The following DNAH14 variants were observed in gnomAD, a reference collection of about 807,000 sequenced individuals.
DNAH14 encodes the protein dynein axonemal heavy chain 14.
DNAH14 carries 478 observed loss-of-function variants against 520.9 expected under a neutral mutation model. The observed-to-expected ratio is 0.92, with a 90% CI of 0.85 to 0.99. DNAH14 has a LOEUF of 0.99. Ranked by LOEUF, DNAH14 falls within the 50% of genes least tolerant of loss-of-function variation. The pLI is 0.00. For missense variants in DNAH14, 4,831 were observed against 5,234.5 expected (o/e 0.92, Z 2.38); for synonymous variants, 1,581 against 1,757.2 (o/e 0.90, Z 2.51).
intron 21 of DNAH14, among the ~76,000 whole-genome samples, chr1:225,088,989 G>C (rs529228963): frequency 6.6e-6 from 1 of 152,276 alleles, no homozygotes; most frequent in South Asian, 2.1e-4. Context: ...TCTTGACCCA[G>C]ATGGCTTGTG....
intron 1 of DNAH14, among the ~76,000 whole-genome samples, chr1:224,930,577 T>C (rs1208535679): frequency 2.6e-5 from 4 of 152,198 alleles, no homozygotes; most frequent in African/African-American, 9.6e-5. Context: ...ATGAGTATGT[T>C]ACTTGCTTAT....
chr1:225,376,357 G>A (rs976949077), intron 78 of DNAH14, among the ~76,000 whole-genome samples: 2 of 152,152 alleles, frequency 1.3e-5, no homozygotes, highest in African/African-American at 4.8e-5. Context: ...AACCCGGGAA[G>A]CAGAGGTTGA....
chr1:224,962,236 G>C (rs2060892926), intron 4 of DNAH14, among the ~76,000 whole-genome samples: 1 of 152,080 alleles, frequency 6.6e-6, no homozygotes, highest in Non-Finnish European at 1.5e-5. Flanking sequence ...GAATATGATG[G>C]ACTGTCACTC....
intron 28 of DNAH14, among the ~76,000 whole-genome samples, chr1:225,143,819 G>A (rs2079668477): frequency 6.6e-6 from 1 of 152,094 alleles, no homozygotes; most frequent in African/African-American, 2.4e-5. Context: ...AGCACTAACT[G>A]GGATATAAAA....
intron 8 of DNAH14, among the ~76,000 whole-genome samples, chr1:224,996,515 T>G (rs1427561217): frequency 6.6e-6 from 1 of 152,132 alleles, no homozygotes; most frequent in African/African-American, 2.4e-5. Flanking sequence ...TTATTCTGAG[T>G]GGACCAACTG....
At chr1:225,304,243 C>T (rs1160399052) in intron 57 of DNAH14, among the ~76,000 whole-genome samples, 1 of 152,020 alleles carries the variant, frequency 6.6e-6, no homozygotes, top group Admixed American at 6.6e-5. Context: ...CTATTGATGA[C>T]CACTTTAAGA....
rs1286629529 is a variant in DNAH14, at chr1:225,051,641, T to C, written c.2270T>C (p.Ile757Thr). Residue 757 changes from isoleucine (I) to threonine (T), a missense_variant, in exon 17 of 86, where the codon ATT becomes ACT. Coordinates refer to ENST00000682510, the MANE Select transcript of DNAH14 (RefSeq NM_001367479.1). Reference sequence around the variant, plus strand: ...AGATTCAGAAACTATTTTAGACATATTGTGAATATGGCCATTGAGAAGCGT... The same window carrying C: ...AGATTCAGAAACTATTTTAGACATACTGTGAATATGGCCATTGAGAAGCGT... ...LNRFRNYFRHIVNMAIEKRIG... is the reference protein window; with the variant it reads ...LNRFRNYFRHTVNMAIEKRIG... 6.4e-7 allele frequency: 1 copy of C among 1,551,100 alleles called. No homozygotes were observed. The highest frequency in any genetic ancestry group is 8.7e-7 in the Non-Finnish European group (1 of 1,146,686).
intron 15 of DNAH14, among the ~76,000 whole-genome samples, chr1:225,049,777 T>C (rs200163649): frequency 4.6e-5 from 4 of 86,350 alleles, no homozygotes; most frequent in South Asian, 3.6e-4. Context: ...TATCTACCTA[T>C]CTATCTATCT....
In DNAH14 at chr1:225,116,976, C is replaced by T. The variant is rs551767903; in HGVS notation, c.3868-708C>T. ...GAGAAGACAAGCAAGTAGACAGTAG[C>T]TAAAGGAGAACAAAGAGAGATGGAG... On this transcript the variant is annotated intron_variant, in intron 23 of 85. Transcript: ENST00000682510. Among the ~76,000 whole-genome samples, 4 of 152,082 alleles carry T rather than the reference C, an allele frequency of 2.6e-5. No homozygotes were observed. The South Asian group carries it at 8.3e-4, about 32-fold the overall frequency.
chr1:225,159,650 A>G (rs1239197085), intron 35 of DNAH14, among the ~76,000 whole-genome samples, 165 bp downstream of exon 35: 4 of 152,190 alleles, frequency 2.6e-5, no homozygotes, highest in African/African-American at 9.6e-5. Flanking sequence ...TGGGGAAAAA[A>G]AGAGCTTTCA....
At chr1:225,308,537 T>G in intron 60 of DNAH14, 127 bp downstream of exon 60, 2 of 959,388 alleles carry the variant, frequency 2.1e-6, no homozygotes, top group South Asian at 3.9e-5. Context: ...TACTTTTCAT[T>G]GTAATTCCAA....
At chr1:225,274,519 G>A (rs1298972104) in intron 52 of DNAH14, among the ~76,000 whole-genome samples, 1 of 152,122 alleles carries the variant, frequency 6.6e-6, no homozygotes, top group Non-Finnish European at 1.5e-5. Context: ...TGACTTTTTA[G>A]TATTAGCCAT....
intron 54 of DNAH14, among the ~76,000 whole-genome samples, chr1:225,287,322 T>C (rs925169496): frequency 6.6e-6 from 1 of 152,082 alleles, no homozygotes; most frequent in Non-Finnish European, 1.5e-5. Context: ...TGAAGAGGAT[T>C]AGGGGAAAAG....
intron 57 of DNAH14, among the ~76,000 whole-genome samples, chr1:225,304,531 T>C (rs2094202869): frequency 1.3e-5 from 2 of 152,240 alleles, no homozygotes; most frequent in Admixed American, 1.3e-4. Flanking sequence ...CACTTTGGCC[T>C]GGACAAAAGA....
chr1:225,102,165 T>G (rs1475829698), intron 23 of DNAH14, among the ~76,000 whole-genome samples: 3 of 151,670 alleles, frequency 2.0e-5, no homozygotes, highest in Non-Finnish European at 4.4e-5. Flanking sequence ...CTTGCGATAG[T>G]TTGCTGAGAA....
intron 73 of DNAH14, chr1:225,357,800 TA>T (rs1474084698): frequency 1.4e-6 from 1 of 702,132 alleles, no homozygotes; most frequent in Non-Finnish European, 2.6e-6. Flanking sequence ...AGTTTTGCTT[TA>T]AATGATGGAG....
intron 77 of DNAH14, among the ~76,000 whole-genome samples, chr1:225,373,337 C>CAT: frequency 6.6e-6 from 1 of 152,002 alleles, no homozygotes; most frequent in Non-Finnish European, 1.5e-5. Context: ...TGGTGGTGCG[C>CAT]GCCTGTAGTC....
intron 5 of DNAH14, 49 bp downstream of exon 5, chr1:224,964,658 A>G (rs774868132): frequency 2.9e-6 from 4 of 1,356,776 alleles, no homozygotes; most frequent in South Asian, 1.7e-5. Flanking sequence ...CAATATTGAA[A>G]TTATATTTTA....
rs148516471 is a variant in DNAH14 at position 225,261,082 on chromosome 1, A to G, written c.7157+1829A>G. On this transcript the variant is annotated intron_variant, in intron 46 of 85. Coordinates refer to ENST00000682510, the MANE Select transcript of DNAH14 (RefSeq NM_001367479.1). ...TCTCTATTAATAAGATCATGTAATC[A>G]GCAAGCGGACAATTTCACCTCTTCT... 8.9e-3 allele frequency among the ~76,000 whole-genome samples: 1,361 copies of G among 152,328 alleles called. 26 individuals carry two copies. The highest frequency in any genetic ancestry group is 0.01 in the Middle Eastern group (3 of 294).
Sources: gnomAD v4.1 joint callset for allele counts (sites outside exome capture counted in the v4.1 genomes callset) on GRCh38, gnomAD v4.1.1 for gene constraint, MANE v1.5 for transcripts, NCBI Gene and HGNC (gene_info 2026-07-23, HGNC 2026-07-21) for gene names.